NBAS: variants seen among roughly 807,000 people sequenced by gnomAD.
NBAS encodes NAG/BC035112 fusion.
Under a neutral mutation model 302.5 loss-of-function variants are expected in NBAS, and 219 were observed. The ratio of observed to expected loss-of-function variants is 0.72; its 90% CI spans 0.65 to 0.81. The LOEUF is 0.81. NBAS is among the 30% of genes least tolerant of loss of function. The pLI, the probability that NBAS is intolerant of heterozygous loss-of-function variation, is 0.00. For synonymous variants in NBAS, 1,118 were observed against 1,021.6 expected, an observed-to-expected ratio of 1.09 and a Z score of -1.80; for missense variants, 2,932 against 2,841.6, an observed-to-expected ratio of 1.03 and a Z score of -0.72.
the NBAS span, among the ~76,000 whole-genome samples, chr2:14,918,135 G>T: frequency 6.6e-6 from 1 of 151,986 alleles, no homozygotes; most frequent in Non-Finnish European, 1.5e-5. Context: ...TTTCAACCCT[G>T]TTATCTATCC....
the NBAS span, among the ~76,000 whole-genome samples, chr2:14,790,239 C>T: frequency 1.3e-5 from 2 of 152,212 alleles, no homozygotes; most frequent in Non-Finnish European, 2.9e-5. Flanking sequence ...CAAATCATTA[C>T]TTTAAAAATA....
In NBAS at chr2:15,379,635, G is replaced by T; in HGVS notation, c.3557C>A (p.Thr1186Asn). Residue 1186 changes from threonine (T) to asparagine (N), a missense_variant, in exon 30 of 52, where the codon ACC becomes AAC. Thr to Asn is a moderately conservative substitution (Grantham distance 65). Coordinates refer to ENST00000281513, the MANE Select transcript of NBAS (RefSeq NM_015909.4). ...ATCCATGCAGCTATCAGTGAGGTTG[G>T]TAGAAGAATTGAAGTACTCTCTGCT... ...AASREYFNSS[T>N]NLTDSCMDLA... 1 of 1,613,848 alleles carries T rather than the reference G, an allele frequency of 6.2e-7. No individual in the cohort carries two copies. The highest frequency in any genetic ancestry group is 8.5e-7 in the Non-Finnish European group (1 of 1,179,924).
chr2:15,297,250 G>A (rs1362276932), intron 40 of NBAS, among the ~76,000 whole-genome samples: 2 of 152,142 alleles, frequency 1.3e-5, no homozygotes, highest in Non-Finnish European at 2.9e-5. Flanking sequence ...TGCTTCCTAA[G>A]AACCATCCTT....
intron 44 of NBAS, among the ~76,000 whole-genome samples, chr2:15,248,227 C>A (rs977231784): frequency 3.9e-5 from 6 of 152,126 alleles, no homozygotes; most frequent in African/African-American, 1.4e-4. Flanking sequence ...AAAATGAAGG[C>A]AGAAATAAAG....
intron 28 of NBAS, among the ~76,000 whole-genome samples, chr2:15,384,524 A>AC (rs5829504): frequency 0.044 from 6,497 of 146,374 alleles, 175 homozygotes; most frequent in East Asian, 0.11. Context: ...ATATGAAAAG[A>AC]CCCCCCCCCC....
chr2:15,078,240 T>C, the NBAS span, among the ~76,000 whole-genome samples: 1 of 152,152 alleles, frequency 6.6e-6, no homozygotes, highest in Admixed American at 6.5e-5. Context: ...AGCAAGGAAG[T>C]AACAAGGTCA....
Position 15,552,842 on chromosome 2 carries a change from G to A in NBAS, c.335+584C>T, listed in dbSNP as rs973721409. Among the ~76,000 whole-genome samples the A allele has an allele frequency of 1.3e-4, 19 of 151,026 alleles. 1 individual carries two copies. Among genetic ancestry groups the A allele is most frequent in the Non-Finnish European group, 2.4e-4 (16 of 67,880 alleles). ...AGAGTCTCGCTCTGTCGCCAGGCTG[G>A]AGTGCAGTGGCACAATCTCGGCTCA... On this transcript the variant is annotated intron_variant, in intron 5 of 51. Coordinates refer to ENST00000281513, the MANE Select transcript of NBAS (RefSeq NM_015909.4).
chr2:15,260,816 CAT>C (rs10555034), intron 44 of NBAS, among the ~76,000 whole-genome samples: 89,354 of 151,872 alleles, frequency 0.59, 29,148 homozygotes, highest in African/African-American at 0.87. Flanking sequence ...AATTATTATA[CAT>C]ATATATACAC....
chr2:15,560,456 G>T (rs1215253023), intron 1 of NBAS, among the ~76,000 whole-genome samples: 1 of 151,856 alleles, frequency 6.6e-6, no homozygotes, highest in South Asian at 2.1e-4. Flanking sequence ...TGCTCACATC[G>T]CTAACTATAG....
the NBAS span, among the ~76,000 whole-genome samples, chr2:14,924,698 C>G: frequency 6.6e-6 from 1 of 152,032 alleles, no homozygotes; most frequent in Admixed American, 6.6e-5. Context: ...TTCATTTTCT[C>G]AAAGACATAT....
chr2:15,556,732 ATT>A, intron 3 of NBAS, 49 bp downstream of exon 3: 1 of 1,455,604 alleles, frequency 6.9e-7, no homozygotes, highest in East Asian at 2.3e-5. Flanking sequence ...ATAGAACAAT[ATT>A]GTTTATATTT....
chr2:14,917,876 A>G, the NBAS span, among the ~76,000 whole-genome samples: 1 of 152,214 alleles, frequency 6.6e-6, no homozygotes, highest in South Asian at 2.1e-4. Context: ...TTCACATTCC[A>G]GGTAAAGGCA....
At chr2:14,924,193 CG>C in the NBAS span, among the ~76,000 whole-genome samples, 1 of 152,160 alleles carries the variant, frequency 6.6e-6, no homozygotes, top group African/African-American at 2.4e-5. Flanking sequence ...CTAAGAACAA[CG>C]CAAATCAAGT....
the NBAS span, among the ~76,000 whole-genome samples, chr2:15,117,233 C>A: frequency 6.6e-6 from 1 of 152,142 alleles, no homozygotes; most frequent in Admixed American, 6.5e-5. Context: ...GGCAACATAA[C>A]CTGCTCAAAA....
chr2:15,074,454 T>A, the NBAS span, among the ~76,000 whole-genome samples: 2 of 149,620 alleles, frequency 1.3e-5, no homozygotes, highest in South Asian at 4.2e-4. Context: ...AGGGAGGAAA[T>A]ATCAAGGAAA....
chr2:15,163,694 A>G (rs1327700934), downstream of NBAS, among the ~76,000 whole-genome samples: 1 of 152,138 alleles, frequency 6.6e-6, no homozygotes, highest in East Asian at 1.9e-4. Context: ...ACAAATCTGC[A>G]CACACCTTCT....
chr2:15,288,458 A>G lies in NBAS; in HGVS notation c.5028-1275T>C, dbSNP rs1670157065. Among the ~76,000 whole-genome samples the G allele has an allele frequency of 3.9e-5, 6 of 152,292 alleles. No individual in the cohort carries two copies. The South Asian group carries it at 1.2e-3, about 32-fold the overall frequency. ...CTGAGAGAATGAGGGCTTCTCAGAC[A>G]TAAGAGAGAAAGCGAAGGTCAAAGT... is the stretch of plus-strand genomic sequence containing the variant. On this transcript the variant is annotated intron_variant, in intron 41 of 51. Coordinates refer to ENST00000281513, the MANE Select transcript of NBAS (RefSeq NM_015909.4).
chr2:15,357,256 C>G (rs564187264), intron 32 of NBAS, among the ~76,000 whole-genome samples: 1 of 152,260 alleles, frequency 6.6e-6, no homozygotes, highest in African/African-American at 2.4e-5. Context: ...CAGAAACAAC[C>G]AACTACAACT....
At chr2:15,265,998 A>G (rs1669058747) in intron 44 of NBAS, among the ~76,000 whole-genome samples, 1 of 152,170 alleles carries the variant, frequency 6.6e-6, no homozygotes, top group Admixed American at 6.5e-5. Flanking sequence ...AATAACCCCC[A>G]TGTGTCAAGA....
Sources: allele counts gnomAD v4.1 joint callset (sites outside exome capture counted in the v4.1 genomes callset), GRCh38; gene constraint gnomAD v4.1.1; transcripts MANE v1.5; gene names NCBI Gene and HGNC (gene_info 2026-07-23, HGNC 2026-07-21).